The following WDHD1 variants were observed in gnomAD, a reference collection of about 807,000 sequenced individuals.
WDHD1 encodes WD repeat and HMG-box DNA binding protein 1.
In WDHD1, 111 loss-of-function variants were observed where a neutral mutation model predicts 135.4. The ratio of observed to expected loss-of-function variants is 0.82; its 90% CI spans 0.70 to 0.96. WDHD1 has a LOEUF of 0.96. Ranked by LOEUF, WDHD1 falls within the 40% of genes least tolerant of loss-of-function variation. The pLI is 0.00. For synonymous variants in WDHD1, 434 were observed against 439.0 expected (o/e 0.99, Z 0.14); for missense variants, 1,351 against 1,336.3 (o/e 1.01, Z -0.17).
chr14:54,985,736 G>GAAGAAAT, intron 14 of WDHD1, among the ~76,000 whole-genome samples: 1 of 152,200 alleles, frequency 6.6e-6, no homozygotes, highest in Non-Finnish European at 1.5e-5. Flanking sequence ...ATGACATCCA[G>GAAGAAAT]GTTGTATTAG....
intron 2 of WDHD1, among the ~76,000 whole-genome samples, chr14:55,014,707 T>C (rs963841936): frequency 6.6e-6 from 1 of 152,038 alleles, no homozygotes; most frequent in African/African-American, 2.4e-5. Flanking sequence ...ATAATGTACA[T>C]AATAAAATAC....
Position 54,940,944 on chromosome 14 carries a change from C to A in WDHD1, c.*546G>T, listed in dbSNP as rs946073993. 2 of 152,064 alleles carry A rather than the reference C, an allele frequency of 1.3e-5. No homozygotes were observed. Among genetic ancestry groups the A allele is most frequent in the South Asian group, 2.1e-4 (1 of 4,824 alleles). 9.4% of individuals were successfully genotyped at this position (152,064 alleles called of 1,614,324 possible). On this transcript the variant is annotated 3_prime_UTR_variant, in exon 26 of 26. Coordinates refer to ENST00000360586, the MANE Select transcript of WDHD1 (RefSeq NM_007086.4). The stretch of plus-strand genomic sequence containing the variant: ...AAAAAATCCAGGCTATACAAACAGA[C>A]AACTGAAAGCCACATAGGAAATTTC...
chr14:55,007,133 C>A, intron 7 of WDHD1, 147 bp downstream of exon 7: 2 of 581,032 alleles, frequency 3.4e-6, no homozygotes, highest in Non-Finnish European at 5.8e-6. Context: ...GAGGCTGAGG[C>A]AGGAGAATTG....
At chr14:55,020,724 A>C (rs2042332150) in intron 2 of WDHD1, among the ~76,000 whole-genome samples, 1 of 152,186 alleles carries the variant, frequency 6.6e-6, no homozygotes, top group African/African-American at 2.4e-5. Flanking sequence ...TCCAACCCCT[A>C]AACAGTCAAA....
chr14:54,990,283 C>T (rs2041763011), intron 12 of WDHD1, among the ~76,000 whole-genome samples: 2 of 151,986 alleles, frequency 1.3e-5, no homozygotes, highest in African/African-American at 4.8e-5. Context: ...ATCATATAAC[C>T]AACACAGAAA....
chr14:54,970,172 T>A (rs2041408039), intron 16 of WDHD1, among the ~76,000 whole-genome samples: 1 of 152,154 alleles, frequency 6.6e-6, no homozygotes, highest in Non-Finnish European at 1.5e-5. Flanking sequence ...CACTCATATT[T>A]AACAGAGTAC....
rs1487608627 is a variant in WDHD1, at chr14:54,944,989, C to CA, written c.3051-520dup. Reference sequence around the variant, plus strand: ...GTAAGGTCAATTCAAAAGGATCACTCACGTTTGTATTTTCCAAGTGCAGCA... The same window carrying CA: ...GTAAGGTCAATTCAAAAGGATCACTCAACGTTTGTATTTTCCAAGTGCAGCA... On this transcript the variant is annotated intron_variant, in intron 24 of 25. Transcript: ENST00000360586. 5.3e-5 allele frequency among the ~76,000 whole-genome samples: 8 copies of CA among 152,280 alleles called. No individual in the cohort carries two copies. The South Asian group carries it at 1.7e-3, about 32-fold the overall frequency.
chr14:54,969,276 T>C (rs999587039), intron 16 of WDHD1, among the ~76,000 whole-genome samples: 3 of 149,802 alleles, frequency 2.0e-5, no homozygotes, highest in African/African-American at 7.4e-5. Flanking sequence ...TCCGCCCGCC[T>C]ATGCCTCCCA....
At chr14:54,951,568 G>A (rs1048375735) in intron 24 of WDHD1, among the ~76,000 whole-genome samples, 1 of 152,142 alleles carries the variant, frequency 6.6e-6, no homozygotes, top group Non-Finnish European at 1.5e-5. Context: ...TTCTACCAGA[G>A]GTACAAGGAG....
Position 54,963,175 on chromosome 14 carries a change from A to G in WDHD1, c.2311-3T>C, listed in dbSNP as rs2041282577. 1.0e-5 allele frequency: 4 copies of G among 393,926 alleles called. No homozygotes were observed. Among genetic ancestry groups the G allele is most frequent in the Non-Finnish European group, 1.9e-5 (4 of 212,540 alleles). 24.4% of individuals were successfully genotyped at this position (393,926 alleles called of 1,614,324 possible). A position where few individuals can be genotyped will look rare whatever the true frequency, so the allele number is the denominator to read the frequency against. ...TCTCGCTCCAGTTTACAAGAAAGCT[A>G]ATCCAAAAAGGGGGGGGGGGGGGAG... On this transcript the variant is annotated splice_polypyrimidine_tract_variant and splice_region_variant and intron_variant, in intron 18 of 25. Transcript: ENST00000360586.
At chr14:54,975,797 C>CT (rs1312097600) in intron 16 of WDHD1, among the ~76,000 whole-genome samples, 1 of 151,810 alleles carries the variant, frequency 6.6e-6, no homozygotes, top group African/African-American at 2.4e-5. Flanking sequence ...TTTTAAGTAG[C>CT]TGGTATTCAG....
chr14:54,994,710 A>C (rs189739543), intron 11 of WDHD1, among the ~76,000 whole-genome samples: 82 of 151,688 alleles, frequency 5.4e-4, no homozygotes, highest in African/African-American at 1.7e-3. Flanking sequence ...GCAGTGAGCC[A>C]AAATCACACC....
intron 14 of WDHD1, 46 bp from the exon 15 acceptor site, chr14:54,984,906 A>C: frequency 6.3e-7 from 1 of 1,591,874 alleles, no homozygotes. Context: ...AGGTTATCCA[A>C]CTATAACGCA....
At chr14:54,966,804 G>C (rs2140172903) in intron 17 of WDHD1, among the ~76,000 whole-genome samples, 198 bp from the exon 18 acceptor site, 1 of 152,262 alleles carries the variant, frequency 6.6e-6, no homozygotes, top group South Asian at 2.1e-4. Flanking sequence ...AGGCAGCTGG[G>C]GAGGAATACA....
chr14:55,021,009 T>C (rs1043724318), intron 2 of WDHD1, among the ~76,000 whole-genome samples: 4 of 151,902 alleles, frequency 2.6e-5, no homozygotes, highest in African/African-American at 7.3e-5. Flanking sequence ...CGAAGAGGAG[T>C]TGGTCTTACT....
At chr14:54,945,004 C>T (rs921986317) in intron 24 of WDHD1, among the ~76,000 whole-genome samples, 5 of 152,176 alleles carry the variant, frequency 3.3e-5, no homozygotes, top group African/African-American at 1.2e-4. Flanking sequence ...TTGTATTTTC[C>T]AAGTGCAGCA....
Position 55,007,278 on chromosome 14 carries a change from A to G in WDHD1, c.600+2T>C. 2 of 1,574,288 alleles carry G rather than the reference A, an allele frequency of 1.3e-6. No homozygotes were observed. The highest frequency in any genetic ancestry group is 1.7e-6 in the Non-Finnish European group (2 of 1,166,418). On this transcript the variant is annotated splice_donor_variant, in intron 7 of 25. Coordinates refer to ENST00000360586, the MANE Select transcript of WDHD1 (RefSeq NM_007086.4). LOFTEE classifies it high-confidence loss of function. ...AAGAAAAGAAAAATAAGAATCACTTACCTTCCCACTTTTTGGCTGCCAAGC... is the reference window on the plus strand; with the variant it reads ...AAGAAAAGAAAAATAAGAATCACTTGCCTTCCCACTTTTTGGCTGCCAAGC...
chr14:54,948,813 G>C (rs145557179), intron 24 of WDHD1, among the ~76,000 whole-genome samples: 1 of 152,314 alleles, frequency 6.6e-6, no homozygotes, highest in South Asian at 2.1e-4. Context: ...GAGGCTTCCA[G>C]AGGAATGACC....
chr14:55,013,565 C>A lies in WDHD1; in HGVS notation c.109G>T (p.Val37Leu), dbSNP rs368209721. The change falls in exon 3 of 26, where the codon GTG becomes TTG. Residue 37 changes from valine to leucine, a missense_variant. Coordinates refer to ENST00000360586, the MANE Select transcript of WDHD1 (RefSeq NM_007086.4). Reference sequence around the variant, plus strand: ...TCATCCAAGTCTTCCCAAATCCTCACATCACCATCACTTCCACAAGTCACA... The same window carrying A: ...TCATCCAAGTCTTCCCAAATCCTCAAATCACCATCACTTCCACAAGTCACA... ...FIVTCGSDGD[V>L]RIWEDLDDDD... is the part of the protein sequence containing the mutation. 55 of 1,613,916 alleles carry A rather than the reference C, an allele frequency of 3.4e-5. No homozygotes were observed. Among genetic ancestry groups the A allele is most frequent in the Non-Finnish European group, 4.6e-5 (54 of 1,179,976 alleles).
Sources: allele counts gnomAD v4.1 joint callset (sites outside exome capture counted in the v4.1 genomes callset), GRCh38; gene constraint gnomAD v4.1.1; transcripts MANE v1.5; gene names NCBI Gene and HGNC (gene_info 2026-07-23, HGNC 2026-07-21).